The following ZYX variants were observed in gnomAD, a reference collection of about 807,000 sequenced individuals.
ZYX encodes the protein zyxin, also known as zyxin-2.
Under a neutral mutation model 58.1 loss-of-function variants are expected in ZYX, and 37 were observed. The ratio of observed to expected loss-of-function variants is 0.64; its 90% CI spans 0.49 to 0.84. ZYX has a LOEUF of 0.84. ZYX is among the 40% of genes least tolerant of loss of function. The pLI is 0.00. For missense variants in ZYX, 762 were observed against 761.6 expected (o/e 1.00, Z -0.01); for synonymous variants, 324 against 321.1 (o/e 1.01, Z -0.10).
Position 143,387,376 on chromosome 7 carries a change from C to T in ZYX, c.1024-843C>T, listed in dbSNP as rs926170764. Among the ~76,000 whole-genome samples, 6 of 152,042 alleles carry T rather than the reference C, an allele frequency of 3.9e-5. No individual in the cohort carries two copies. The highest frequency in any genetic ancestry group is 3.3e-4 in the Admixed American group (5 of 15,268). On this transcript the variant is annotated intron_variant, in intron 5 of 9. Coordinates refer to ENST00000322764, the MANE Select transcript of ZYX (RefSeq NM_003461.5). This position sits in a 1 kb window ranked among gnomAD's most constrained non-coding sequence, Gnocchi z 5.8. ...GGTAGCACACTCAGTGATGGGGCCA[C>T]AGTCCTGGGTAGGCTTTTCCAGACA...
In ZYX at chr7:143,390,099, G is replaced by A. The variant is rs1805015702; in HGVS notation, c.1614+122G>A. On this transcript the variant is annotated intron_variant, in intron 9 of 9. Coordinates refer to ENST00000322764, the MANE Select transcript of ZYX (RefSeq NM_003461.5). The surrounding 1 kb of genome is among the most constrained non-coding windows in gnomAD (Gnocchi z 4.3). The stretch of plus-strand genomic sequence containing the variant: ...GAAACAGGGCTGTGATTTTGAGGGT[G>A]GCTCATGGTGGCACCCCATCTGTCC... The A allele has an allele frequency of 1.1e-5, 15 of 1,385,052 alleles. No homozygotes were observed. The highest frequency in any genetic ancestry group is 1.5e-5 in the Non-Finnish European group (15 of 1,006,360). The allele number at this position is 1,385,052 out of a possible 1,614,324, so 85.8% of individuals were successfully genotyped here.
In ZYX at chr7:143,381,399, T is replaced by C. The variant is rs1804562606; in HGVS notation, c.-26T>C. 2 of 1,195,086 alleles carry C rather than the reference T, an allele frequency of 1.7e-6. No homozygotes were observed. Among genetic ancestry groups the C allele is most frequent in the African/African-American group, 3.2e-5 (2 of 61,976 alleles). The allele number at this position is 1,195,086 out of a possible 1,614,324, so 74.0% of individuals were successfully genotyped here. ...GCCACCCGAGACGCGGCGCGCACGCTCCGGCCTGCGGTGAGGCGCGGGGAG... is the reference window on the plus strand; with the variant it reads ...GCCACCCGAGACGCGGCGCGCACGCCCCGGCCTGCGGTGAGGCGCGGGGAG... On this transcript the variant is annotated 5_prime_UTR_variant, in exon 1 of 10. Coordinates refer to ENST00000322764, the MANE Select transcript of ZYX (RefSeq NM_003461.5).
In ZYX at chr7:143,381,588, C is replaced by A; in HGVS notation, c.17C>A (p.Pro6Gln). The A allele has an allele frequency of 6.2e-7, 1 of 1,610,782 alleles. No homozygotes were observed. ...GGCCCGGCCATGGCGGCCCCCCGCC[C>A]GTCTCCCGCGATCTCCGTTTCGGTC... MAAPR[P>Q]SPAISVSVSA... Residue 6 changes from proline (P) to glutamine (Q), a missense_variant, in exon 2 of 10, where the codon CCG (proline) becomes CAG (glutamine). Pro to Gln is a moderately conservative substitution (Grantham distance 76). Coordinates refer to ENST00000322764, the MANE Select transcript of ZYX (RefSeq NM_003461.5).
chr7:143,384,033 G>A lies in ZYX; in HGVS notation c.1023+711G>A, dbSNP rs1033802710. ...TAGAGAGTGTTGGGTTCTGTATCTA[G>A]TACAGGAATGCTCAAAATAGAAAAG... On this transcript the variant is annotated intron_variant, in intron 5 of 9. Transcript: ENST00000322764. This position sits in a 1 kb window ranked among gnomAD's most constrained non-coding sequence, Gnocchi z 4.9. 2.6e-6 allele frequency: 1 copy of A among 390,744 alleles called. No homozygotes were observed. The allele number at this position is 390,744 out of a possible 1,614,324, so 24.2% of individuals were successfully genotyped here.
In ZYX at chr7:143,387,264, G is replaced by GCCA. The variant is rs1237145650; in HGVS notation, c.1024-954_1024-952dup. Among the ~76,000 whole-genome samples the GCCA allele has an allele frequency of 6.6e-6, 1 of 152,104 alleles. No individual in the cohort carries two copies. Among genetic ancestry groups the GCCA allele is most frequent in the African/African-American group, 2.4e-5 (1 of 41,404 alleles). ...GGGGGTCGGGGTGAGGGGCAGTGAA[G>GCCA]CCAGGGCTGAGGGGAGAGGGGCTAT... On this transcript the variant is annotated intron_variant, in intron 5 of 9. Transcript: ENST00000322764. This position sits in a 1 kb window ranked among gnomAD's most constrained non-coding sequence, Gnocchi z 5.8.
intron 1 of ZYX, 21 bp downstream of exon 1, chr7:143,381,430 G>C (rs1036576341): frequency 1.6e-4 from 198 of 1,266,968 alleles, no homozygotes; most frequent in Non-Finnish European, 1.8e-4. Context: ...GGGAGCGGCA[G>C]GGCGGCCCCA....
Position 143,389,055 on chromosome 7 carries a change from G to A in ZYX, c.1493+110G>A, listed in dbSNP as rs1804975760. The A allele has an allele frequency of 7.8e-7, 1 of 1,280,410 alleles. No individual in the cohort carries two copies. The highest frequency in any genetic ancestry group is 1.1e-6 in the Non-Finnish European group (1 of 933,474). The allele number at this position is 1,280,410 out of a possible 1,614,324, so 79.3% of individuals were successfully genotyped here. A position where few individuals can be genotyped will look rare whatever the true frequency, so the allele number is the denominator to read the frequency against. Reference sequence around the variant, plus strand: ...CCCAAACCCCTGGTGGTGTTTTCTGGTCCCATGTCCTGTCTGTAAACAGCA... The same window carrying A: ...CCCAAACCCCTGGTGGTGTTTTCTGATCCCATGTCCTGTCTGTAAACAGCA... On this transcript the variant is annotated intron_variant, in intron 8 of 9. Transcript: ENST00000322764. The surrounding 1 kb of genome is among the most constrained non-coding windows in gnomAD (Gnocchi z 5.6).
Position 143,389,017 on chromosome 7 carries a change from G to T in ZYX, c.1493+72G>T, listed in dbSNP as rs1046736011. 11 of 1,521,920 alleles carry T rather than the reference G, an allele frequency of 7.2e-6. No individual in the cohort carries two copies. Among genetic ancestry groups the T allele is most frequent in the Non-Finnish European group, 8.9e-6 (10 of 1,128,668 alleles). The allele number at this position is 1,521,920 out of a possible 1,614,324, so 94.3% of individuals were successfully genotyped here. ...GGTAGCCCGGCTGCTTGCTACCCTA[G>T]CCTCAGGACAGCCCCAAACCCCTGG... On this transcript the variant is annotated intron_variant, in intron 8 of 9. Transcript: ENST00000322764. The surrounding 1 kb of genome is among the most constrained non-coding windows in gnomAD (Gnocchi z 5.6).
intron 5 of ZYX, among the ~76,000 whole-genome samples, chr7:143,386,660 G>C (rs572200233): frequency 1.3e-4 from 20 of 150,220 alleles, no homozygotes; most frequent in African/African-American, 4.6e-4. Context: ...GTAGGAGTTA[G>C]ATGGTCATGG....
At chr7:143,386,902 G>A (rs1804883960) in intron 5 of ZYX, among the ~76,000 whole-genome samples, 1 of 152,146 alleles carries the variant, frequency 6.6e-6, no homozygotes, top group Non-Finnish European at 1.5e-5. Context: ...GGCAGAGGGG[G>A]CAGTTCTGGA....
Position 143,388,927 on chromosome 7 carries a change from G to A in ZYX, c.1475G>A (p.Cys492Tyr). ...FIVDQANRPH[C>Y]VPDYHKQYAP... is the part of the protein sequence containing the mutation. ...GTGGACCAGGCCAACCGGCCCCACTGTGTCCCCGACTACCACAAGTGAGGA... is the reference window on the plus strand; with the variant it reads ...GTGGACCAGGCCAACCGGCCCCACTATGTCCCCGACTACCACAAGTGAGGA... Residue 492 changes from cysteine to tyrosine, a missense_variant, in exon 8 of 10, where the codon TGT (cysteine) becomes TAT (tyrosine). Coordinates refer to ENST00000322764, the MANE Select transcript of ZYX (RefSeq NM_003461.5). The surrounding 1 kb of genome is among the most constrained non-coding windows in gnomAD (Gnocchi z 7.5). 1 of 1,611,270 alleles carries A rather than the reference G, an allele frequency of 6.2e-7. No homozygotes were observed. Among genetic ancestry groups the A allele is most frequent in the Non-Finnish European group, 8.5e-7 (1 of 1,179,304 alleles).
chr7:143,388,058 C>T lies in ZYX; in HGVS notation c.1024-161C>T, dbSNP rs1001786095. On this transcript the variant is annotated intron_variant, in intron 5 of 9. Coordinates refer to ENST00000322764, the MANE Select transcript of ZYX (RefSeq NM_003461.5). This position sits in a 1 kb window ranked among gnomAD's most constrained non-coding sequence, Gnocchi z 7.5. ...GTTATTTGTGTGGTGCTGGGGATGGCGGGGGTAGGGGGACGAGGGAGAAGC... is the reference window on the plus strand; with the variant it reads ...GTTATTTGTGTGGTGCTGGGGATGGTGGGGGTAGGGGGACGAGGGAGAAGC... The T allele has an allele frequency of 1.8e-5, 14 of 781,152 alleles. No homozygotes were observed. The highest frequency in any genetic ancestry group is 8.2e-5 in the East Asian group (3 of 36,682). The allele number at this position is 781,152 out of a possible 1,614,324, so 48.4% of individuals were successfully genotyped here. A position where few individuals can be genotyped will look rare whatever the true frequency, so the allele number is the denominator to read the frequency against.
Position 143,389,091 on chromosome 7 carries a change from C to A in ZYX, c.1493+146C>A. The A allele has an allele frequency of 1.1e-6, 1 of 950,648 alleles. No individual in the cohort carries two copies. The allele number at this position is 950,648 out of a possible 1,614,324, so 58.9% of individuals were successfully genotyped here. On this transcript the variant is annotated intron_variant, in intron 8 of 9. Coordinates refer to ENST00000322764, the MANE Select transcript of ZYX (RefSeq NM_003461.5). This position sits in a 1 kb window ranked among gnomAD's most constrained non-coding sequence, Gnocchi z 5.6. ...TGTCTGTAAACAGCAGGGACCAAGT[C>A]ATCGGGATGTAGCTGTCCAGGGGCC...
Position 143,383,290 on chromosome 7 carries a change from C to T in ZYX, c.991C>T (p.Pro331Ser). The T allele has an allele frequency of 1.9e-6, 3 of 1,611,154 alleles. No homozygotes were observed. The South Asian group carries it at 3.3e-5, about 18-fold the overall frequency. ...EKPRVQEKQH[P>S]VPPPAQNQNQ... The stretch of plus-strand genomic sequence containing the variant: ...GCCCCGAGTGCAGGAGAAGCAGCAC[C>T]CCGTGCCCCCACCGGCTCAGAACCA... The change falls in exon 5 of 10, where the codon CCC becomes TCC. Residue 331 changes from proline to serine, a missense_variant. By Grantham distance (74) the Pro-to-Ser change is moderately conservative. Transcript: ENST00000322764.
rs779242588 is a variant in ZYX, at chr7:143,381,722, G to C, written c.151G>C (p.Gly51Arg). Residue 51 changes from glycine (G) to arginine (R), a missense_variant, in exon 2 of 10, where the codon GGG becomes CGG. Transcript: ENST00000322764. ...PGDSEPPPAPGAQRAQMGRVG... is the reference protein window; with the variant it reads ...PGDSEPPPAPRAQRAQMGRVG... ...GGACAGCGAGCCTCCCCCGGCACCC[G>C]GGGCCCAGCGCGCACAGATGGGCCG... The C allele has an allele frequency of 1.9e-6, 3 of 1,599,774 alleles. No individual in the cohort carries two copies. The highest frequency in any genetic ancestry group is 1.7e-5 in the Admixed American group (1 of 59,060).
Position 143,389,017 on chromosome 7 carries a change from G to A in ZYX, c.1493+72G>A. On this transcript the variant is annotated intron_variant, in intron 8 of 9. Coordinates refer to ENST00000322764, the MANE Select transcript of ZYX (RefSeq NM_003461.5). The surrounding 1 kb of genome is among the most constrained non-coding windows in gnomAD (Gnocchi z 5.6). ...GGTAGCCCGGCTGCTTGCTACCCTA[G>A]CCTCAGGACAGCCCCAAACCCCTGG... 6.6e-7 allele frequency: 1 copy of A among 1,522,038 alleles called. No individual in the cohort carries two copies. Among genetic ancestry groups the A allele is most frequent in the Non-Finnish European group, 8.9e-7 (1 of 1,128,660 alleles). The allele number at this position is 1,522,038 out of a possible 1,614,324, so 94.3% of individuals were successfully genotyped here.
Position 143,382,898 on chromosome 7 carries a change from G to A in ZYX, c.599G>A (p.Trp200Ter), listed in dbSNP as rs150223874. ...GGGGGCACAGCACCCCTGCCTCCTT[G>A]GAAGTCCCCTTCCAGCTCCCAGCCT... is the stretch of plus-strand genomic sequence containing the variant. ...AAGGTAPLPP[W>*]KSPSSSQPLP... The change falls in exon 5 of 10, where the codon TGG becomes TAG. Residue 200 changes from tryptophan to a stop codon, truncating the protein, a stop_gained. Coordinates refer to ENST00000322764, the MANE Select transcript of ZYX (RefSeq NM_003461.5). LOFTEE classifies it high-confidence loss of function. 6.2e-7 allele frequency: 1 copy of A among 1,613,908 alleles called. No individual in the cohort carries two copies. Among genetic ancestry groups the A allele is most frequent in the East Asian group, 2.2e-5 (1 of 44,854 alleles).
At chr7:143,382,168 G>T in intron 2 of ZYX, 80 bp from the exon 3 acceptor site, 2 of 1,215,496 alleles carry the variant, frequency 1.6e-6, no homozygotes, top group East Asian at 2.4e-5. Flanking sequence ...CTTGGGTTAG[G>T]GGTTAGAGCG....
In ZYX at chr7:143,381,744, G is replaced by C; in HGVS notation, c.173G>C (p.Gly58Ala). The change falls in exon 2 of 10, where the codon GGC (glycine) becomes GCC (alanine). Residue 58 changes from glycine to alanine, a missense_variant. Physicochemically the swap from Gly to Ala is moderately conservative, Grantham distance 60. Coordinates refer to ENST00000322764, the MANE Select transcript of ZYX (RefSeq NM_003461.5). ...PAPGAQRAQM[G>A]RVGEIPPPPP... ...CCCGGGGCCCAGCGCGCACAGATGG[G>C]CCGGGTGGGCGAGATTCCCCCGCCG... The C allele has an allele frequency of 6.3e-7, 1 of 1,591,172 alleles. No individual in the cohort carries two copies. Among genetic ancestry groups the C allele is most frequent in the South Asian group, 1.1e-5 (1 of 88,634 alleles).
Sources: gnomAD v4.1 joint callset for allele counts (sites outside exome capture counted in the v4.1 genomes callset) on GRCh38, gnomAD v4.1.1 for gene constraint, Gnocchi (gnomAD v3.1) non-coding constraint, MANE v1.5 for transcripts, NCBI Gene and HGNC (gene_info 2026-07-23, HGNC 2026-07-21) for gene names.